AGPAT4: variants seen among roughly 807,000 people sequenced by gnomAD.
AGPAT4 encodes the protein 1-acyl-sn-glycerol-3-phosphate acyltransferase delta.
Under a neutral mutation model 48.0 loss-of-function variants are expected in AGPAT4, and 15 were observed. That is an observed-to-expected ratio of 0.31 (90% CI 0.21 to 0.48). The LOEUF (loss-of-function observed/expected upper bound fraction) is 0.48, where lower values mean the gene tolerates loss of function less well. Among genes scored for constraint, AGPAT4 ranks in the 20% least tolerant of loss-of-function variants. The pLI is 0.99. For missense variants in AGPAT4, 314 were observed against 482.5 expected, an observed-to-expected ratio of 0.65 and a Z score of 3.27; for synonymous variants, 178 against 198.7, an observed-to-expected ratio of 0.90 and a Z score of 0.88.
rs1256078777 is a variant in AGPAT4 at position 161,216,513 on chromosome 6, G to T, written c.178+15523C>A. On this transcript the variant is annotated intron_variant, in intron 2 of 8. Coordinates refer to ENST00000320285, the MANE Select transcript of AGPAT4 (RefSeq NM_020133.3). This position sits in a 1 kb window ranked among gnomAD's most constrained non-coding sequence, Gnocchi z 4.8. ...GCTCCACTGTGGAAACCAAAATGCT[G>T]GGGCAGCATCAGCCCCGACGCCCCA... 6.6e-6 allele frequency among the ~76,000 whole-genome samples: 1 copy of T among 152,176 alleles called. No homozygotes were observed. Among genetic ancestry groups the T allele is most frequent in the South Asian group, 2.1e-4 (1 of 4,812 alleles).
In AGPAT4 at chr6:161,233,509, A is replaced by C. The variant is rs1228839015; in HGVS notation, c.-89-1207T>G. Among the ~76,000 whole-genome samples, 1 of 152,206 alleles carries C rather than the reference A, an allele frequency of 6.6e-6. No homozygotes were observed. The highest frequency in any genetic ancestry group is 1.5e-5 in the Non-Finnish European group (1 of 68,044). The stretch of plus-strand genomic sequence containing the variant: ...CAGATGGTCCTCGACTTATGATTCC[A>C]CTGAAAATTTCCAGCTTTACGATGG... On this transcript the variant is annotated intron_variant, in intron 1 of 8. Coordinates refer to ENST00000320285, the MANE Select transcript of AGPAT4 (RefSeq NM_020133.3). The surrounding 1 kb of genome is among the most constrained non-coding windows in gnomAD (Gnocchi z 5.4).
rs1236106566 is a variant in AGPAT4 at position 161,154,450 on chromosome 6, G to A, written c.349-140C>T. ...GGACAGTCCCAGAACACATGCTGTCGAGGCCATGGACCCTGGTGCCCTCCC... is the reference window on the plus strand; with the variant it reads ...GGACAGTCCCAGAACACATGCTGTCAAGGCCATGGACCCTGGTGCCCTCCC... On this transcript the variant is annotated intron_variant, in intron 3 of 8. Transcript: ENST00000320285. This position sits in a 1 kb window ranked among gnomAD's most constrained non-coding sequence, Gnocchi z 7.8. 2.4e-5 allele frequency: 23 copies of A among 947,388 alleles called. No homozygotes were observed. The highest frequency in any genetic ancestry group is 1.1e-4 in the East Asian group (4 of 37,604). 58.7% of individuals were successfully genotyped at this position (947,388 alleles called of 1,614,324 possible). A position where few individuals can be genotyped will look rare whatever the true frequency, so the allele number is the denominator to read the frequency against.
At chr6:161,273,362 G>A (rs529532299) in intron 1 of AGPAT4, among the ~76,000 whole-genome samples, 2 of 152,160 alleles carry the variant, frequency 1.3e-5, no homozygotes, top group South Asian at 4.2e-4. Flanking sequence ...AGTGAGGAGG[G>A]GTAGCCACAA....
rs150657667 is a variant in AGPAT4, at chr6:161,161,299, C to T, written c.348+4949G>A. The T allele has an allele frequency of 7.5e-4, 344 of 456,710 alleles. No individual in the cohort carries two copies. The Middle Eastern group carries it at 7.8e-3, about 10-fold the overall frequency. 28.3% of individuals were successfully genotyped at this position (456,710 alleles called of 1,614,324 possible). A position where few individuals can be genotyped will look rare whatever the true frequency, so the allele number is the denominator to read the frequency against. Reference sequence around the variant, plus strand: ...CAGGATGGTAGTCGGTATGAACCCGCGGTGCAGCCATAGTCCCGTGAGCTG... The same window carrying T: ...CAGGATGGTAGTCGGTATGAACCCGTGGTGCAGCCATAGTCCCGTGAGCTG... On this transcript the variant is annotated intron_variant, in intron 3 of 8. Coordinates refer to ENST00000320285, the MANE Select transcript of AGPAT4 (RefSeq NM_020133.3). The surrounding 1 kb of genome is among the most constrained non-coding windows in gnomAD (Gnocchi z 4.6).
rs1269852194 is a variant in AGPAT4 at position 161,259,473 on chromosome 6, G to A, written c.-90+14465C>T. Among the ~76,000 whole-genome samples the A allele has an allele frequency of 6.6e-6, 1 of 151,966 alleles. No individual in the cohort carries two copies. The highest frequency in any genetic ancestry group is 2.0e-4 in the East Asian group (1 of 5,096). On this transcript the variant is annotated intron_variant, in intron 1 of 8. Coordinates refer to ENST00000320285, the MANE Select transcript of AGPAT4 (RefSeq NM_020133.3). The surrounding 1 kb of genome is among the most constrained non-coding windows in gnomAD (Gnocchi z 4.9). The stretch of plus-strand genomic sequence containing the variant: ...ACCCGGTCTTTTGCAGGGCGGTCTG[G>A]AGTTGGTTGAGTCTAGAGTTAGTGA...
rs933867322 is a variant in AGPAT4 at position 161,134,319 on chromosome 6, T to C, written c.*2221A>G. The C allele has an allele frequency of 3.9e-5, 6 of 152,140 alleles. No homozygotes were observed. The highest frequency in any genetic ancestry group is 6.5e-5 in the Admixed American group (1 of 15,276). The allele number at this position is 152,140 out of a possible 1,614,324, so 9.4% of individuals were successfully genotyped here. ...ATACCAGAGCCAATTCAGAAGAAAA[T>C]TGAATGTCTGTGGGCCCCCGGATCT... On this transcript the variant is annotated 3_prime_UTR_variant, in exon 9 of 9. Transcript: ENST00000320285.
intron 2 of AGPAT4, among the ~76,000 whole-genome samples, chr6:161,213,298 G>C (rs1301335224): frequency 3.3e-5 from 5 of 152,132 alleles, no homozygotes; most frequent in Non-Finnish European, 7.3e-5. Flanking sequence ...CAAATAATTA[G>C]GCCAAGTATA....
rs567909421 is a variant in AGPAT4, at chr6:161,251,285, G to C, written c.-89-18983C>G. Among the ~76,000 whole-genome samples the C allele has an allele frequency of 1.3e-5, 2 of 152,320 alleles. No individual in the cohort carries two copies. Among genetic ancestry groups the C allele is most frequent in the East Asian group, 3.9e-4 (2 of 5,186 alleles). ...CTAACCAGTTGTATCCAAGGCATTT[G>C]TTGAAAGATCCTTCTCTACCTCATT... On this transcript the variant is annotated intron_variant, in intron 1 of 8. Coordinates refer to ENST00000320285, the MANE Select transcript of AGPAT4 (RefSeq NM_020133.3). The surrounding 1 kb of genome is among the most constrained non-coding windows in gnomAD (Gnocchi z 4.6).
At chr6:161,252,786 G>C (rs1479652560) in intron 1 of AGPAT4, among the ~76,000 whole-genome samples, 1 of 152,074 alleles carries the variant, frequency 6.6e-6, no homozygotes, top group Non-Finnish European at 1.5e-5. Context: ...TTCCAGCCTG[G>C]GTGACACAGT....
At chr6:161,188,850 A>C (rs1041795182) in intron 2 of AGPAT4, among the ~76,000 whole-genome samples, 1 of 152,086 alleles carries the variant, frequency 6.6e-6, no homozygotes, top group Admixed American at 6.6e-5. Context: ...CCCGAGAGCC[A>C]CCTGGTGAGA....
Position 161,226,462 on chromosome 6 carries a change from A to G in AGPAT4, c.178+5574T>C, listed in dbSNP as rs924019509. On this transcript the variant is annotated intron_variant, in intron 2 of 8. Transcript: ENST00000320285. This position sits in a 1 kb window ranked among gnomAD's most constrained non-coding sequence, Gnocchi z 6.3. ...CAGGGGTTGGAAAAGCCACAGCGAC[A>G]CTCTCTTTGGGGGATCAACAGCTTT... is the stretch of plus-strand genomic sequence containing the variant. 6.6e-6 allele frequency among the ~76,000 whole-genome samples: 1 copy of G among 152,104 alleles called. No homozygotes were observed. Among genetic ancestry groups the G allele is most frequent in the African/African-American group, 2.4e-5 (1 of 41,416 alleles).
rs997958972 is a variant in AGPAT4, at chr6:161,266,565, A to G, written c.-90+7373T>C. 2.6e-5 allele frequency among the ~76,000 whole-genome samples: 4 copies of G among 152,176 alleles called. No homozygotes were observed. Among genetic ancestry groups the G allele is most frequent in the Non-Finnish European group, 4.4e-5 (3 of 68,030 alleles). On this transcript the variant is annotated intron_variant, in intron 1 of 8. Coordinates refer to ENST00000320285, the MANE Select transcript of AGPAT4 (RefSeq NM_020133.3). This position sits in a 1 kb window ranked among gnomAD's most constrained non-coding sequence, Gnocchi z 6.2. Reference sequence around the variant, plus strand: ...AAAGCAGAGGCTGGAGGCAGATGCTAGAAATGGACTCACAGGCATAGAAAT... The same window carrying G: ...AAAGCAGAGGCTGGAGGCAGATGCTGGAAATGGACTCACAGGCATAGAAAT...
At chr6:161,209,477 T>C (rs1781467479) in intron 2 of AGPAT4, among the ~76,000 whole-genome samples, 1 of 152,200 alleles carries the variant, frequency 6.6e-6, no homozygotes, top group Non-Finnish European at 1.5e-5. Context: ...TTCTGTTCCC[T>C]TTGTTGCTGA....
At chr6:161,273,377 T>G (rs1334777459) in intron 1 of AGPAT4, among the ~76,000 whole-genome samples, 1 of 152,074 alleles carries the variant, frequency 6.6e-6, no homozygotes, top group African/African-American at 2.4e-5. Flanking sequence ...CCACAAGCCA[T>G]GCTGGATTTT....
In AGPAT4 at chr6:161,135,370, TC is replaced by T. The variant is rs1779033166; in HGVS notation, c.*1169del. ...TGCAAAAATAGCACTGCTTTTAGTT[TC>T]TTCTTCTTTTGCATTTTTGGCACCT... On this transcript the variant is annotated 3_prime_UTR_variant, in exon 9 of 9. Coordinates refer to ENST00000320285, the MANE Select transcript of AGPAT4 (RefSeq NM_020133.3). The T allele has an allele frequency of 6.6e-6, 1 of 152,080 alleles. No homozygotes were observed. Among genetic ancestry groups the T allele is most frequent in the African/African-American group, 2.4e-5 (1 of 41,462 alleles). The allele number at this position is 152,080 out of a possible 1,614,324, so 9.4% of individuals were successfully genotyped here.
chr6:161,248,355 A>ACT (rs1782718229), intron 1 of AGPAT4, among the ~76,000 whole-genome samples: 1 of 152,104 alleles, frequency 6.6e-6, no homozygotes. Context: ...CGGGCGGATC[A>ACT]TGAGGTCAGG....
At chr6:161,247,600 A>G (rs1782689613) in intron 1 of AGPAT4, among the ~76,000 whole-genome samples, 1 of 152,202 alleles carries the variant, frequency 6.6e-6, no homozygotes, top group Non-Finnish European at 1.5e-5. Context: ...CCAACACATC[A>G]TACTGAATGG....
rs1010325218 is a variant in AGPAT4 at position 161,246,319 on chromosome 6, C to T, written c.-89-14017G>A. On this transcript the variant is annotated intron_variant, in intron 1 of 8. Coordinates refer to ENST00000320285, the MANE Select transcript of AGPAT4 (RefSeq NM_020133.3). The surrounding 1 kb of genome is among the most constrained non-coding windows in gnomAD (Gnocchi z 5.5). ...TTAGGTTCCCATCCAAGGAGCTACC[C>T]GTTCATTCATTCAGCTAAAAATTCA... Among the ~76,000 whole-genome samples the T allele has an allele frequency of 6.6e-5, 10 of 152,262 alleles. No individual in the cohort carries two copies. The highest frequency in any genetic ancestry group is 4.2e-4 in the South Asian group (2 of 4,804).
chr6:161,239,847 C>T lies in AGPAT4; in HGVS notation c.-89-7545G>A, dbSNP rs375469109. Among the ~76,000 whole-genome samples the T allele has an allele frequency of 3.9e-5, 6 of 152,276 alleles. No individual in the cohort carries two copies. In the South Asian group the frequency reaches 1.2e-3, roughly 32 times the overall value. ...TCCATCTTTTTAGTAAGCAATTTCA[C>T]ACACATATTAGGGCCTTAAACAGCT... On this transcript the variant is annotated intron_variant, in intron 1 of 8. Coordinates refer to ENST00000320285, the MANE Select transcript of AGPAT4 (RefSeq NM_020133.3).
Sources: gnomAD v4.1 joint callset for allele counts (sites outside exome capture counted in the v4.1 genomes callset) on GRCh38, gnomAD v4.1.1 for gene constraint, Gnocchi (gnomAD v3.1) non-coding constraint, MANE v1.5 for transcripts, NCBI Gene and HGNC (gene_info 2026-07-23, HGNC 2026-07-21) for gene names.